Variants in SRGAP2B observed in about 807,000 individuals in gnomAD.
SRGAP2B encodes the protein SLIT-ROBO Rho GTPase-activating protein 2B.
In SRGAP2B, 9 loss-of-function variants were observed where a neutral mutation model predicts 22.2. The ratio of observed to expected loss-of-function variants is 0.41; its 90% CI spans 0.24 to 0.71. The LOEUF is 0.71. Ranked by LOEUF, SRGAP2B falls within the 30% of genes least tolerant of loss-of-function variation. The probability of loss-of-function intolerance (pLI) is 0.35; values close to 1 mark genes in which losing one functional copy is unlikely to be tolerated. For synonymous variants in SRGAP2B, 36 were observed against 87.4 expected, an observed-to-expected ratio of 0.41 and a Z score of 3.28; for missense variants, 114 against 235.8, an observed-to-expected ratio of 0.48 and a Z score of 3.38.
rs184856982 is a variant in SRGAP2B, at chr1:145,075,959, G to T, written c.67+16876C>A. ...AAAAATTGGCCCAGCGTGGTGGCACGCACCTATAATCCCAGTTACTTGGGA... is the reference window on the plus strand; with the variant it reads ...AAAAATTGGCCCAGCGTGGTGGCACTCACCTATAATCCCAGTTACTTGGGA... On this transcript the variant is annotated intron_variant, in intron 2 of 9. Coordinates refer to ENST00000612199, the Ensembl canonical transcript of SRGAP2B. Among the ~76,000 whole-genome samples the T allele has an allele frequency of 6.0e-5, 9 of 149,634 alleles. 1 individual carries two copies. Among genetic ancestry groups the T allele is most frequent in the Admixed American group, 4.6e-4 (7 of 15,076 alleles).
chr1:145,013,375 T>C (rs587625109), intron 2 of SRGAP2B, among the ~76,000 whole-genome samples: 1 of 148,742 alleles, frequency 6.7e-6, no homozygotes, highest in East Asian at 2.0e-4. Context: ...AAAGGACCAT[T>C]CCCTGTGTCA....
At chr1:144,907,092 T>A (rs1318307800) in intron 5 of SRGAP2B, among the ~76,000 whole-genome samples, 1 of 147,880 alleles carries the variant, frequency 6.8e-6, no homozygotes, top group Non-Finnish European at 1.5e-5. Flanking sequence ...GCCATAAGAT[T>A]TCTTTGAGAG....
At chr1:145,041,058 T>G (rs1649168135) in intron 2 of SRGAP2B, among the ~76,000 whole-genome samples, 1 of 113,052 alleles carries the variant, frequency 8.8e-6, no homozygotes, top group African/African-American at 3.9e-5. Flanking sequence ...ATATCATTTG[T>G]TGCATGTATA....
intron 2 of SRGAP2B, among the ~76,000 whole-genome samples, chr1:145,007,421 C>T (rs1671679645): frequency 6.6e-6 from 1 of 150,940 alleles, no homozygotes; most frequent in Admixed American, 6.6e-5. Flanking sequence ...TAAGAATCCT[C>T]ATTCTCACTG....
intron 4 of SRGAP2B, among the ~76,000 whole-genome samples, chr1:144,953,928 T>C (rs1182650710): frequency 6.8e-6 from 1 of 147,056 alleles, no homozygotes; most frequent in Non-Finnish European, 1.5e-5. Flanking sequence ...GTCAAGGTCA[T>C]AGAGACGAGC....
intron 4 of SRGAP2B, among the ~76,000 whole-genome samples, chr1:144,927,259 T>G: frequency 1.3e-5 from 2 of 149,628 alleles, no homozygotes; most frequent in African/African-American, 5.0e-5. Flanking sequence ...CAATCTATAT[T>G]CTTATATATA....
At chr1:145,030,102 T>TA (rs1271680299) in intron 2 of SRGAP2B, among the ~76,000 whole-genome samples, 4 of 149,700 alleles carry the variant, frequency 2.7e-5, no homozygotes, top group Admixed American at 2.7e-4. Flanking sequence ...ATAATGTCCT[T>TA]AGCCCCCTTT....
chr1:145,036,040 C>T (rs1486456426), intron 2 of SRGAP2B, among the ~76,000 whole-genome samples: 3 of 137,168 alleles, frequency 2.2e-5, no homozygotes, highest in African/African-American at 8.7e-5. Context: ...AAGCAATCAA[C>T]TGGTGGCAGC....
At chr1:145,082,146 G>A (rs1416279730) in intron 2 of SRGAP2B, among the ~76,000 whole-genome samples, 1 of 148,426 alleles carries the variant, frequency 6.7e-6, no homozygotes, top group South Asian at 2.1e-4. Context: ...CACCAAAATG[G>A]AGGAACATGC....
chr1:144,955,362 A>G (rs1196878331), intron 4 of SRGAP2B, 77 bp downstream of exon 4: 5 of 718,460 alleles, frequency 7.0e-6, no homozygotes, highest in Non-Finnish European at 1.2e-5. Flanking sequence ...CCAGGTAATC[A>G]ACATAATATC....
At chr1:144,955,546 C>A in exon 4 of SRGAP2B, 1 of 950,904 alleles carries the variant, frequency 1.1e-6, no homozygotes, top group Admixed American at 2.0e-5. Flanking sequence ...TCCCGCTTCA[C>A]CTGGTTTAAG....
chr1:145,007,464 G>A (rs2102223320), intron 2 of SRGAP2B, among the ~76,000 whole-genome samples: 1 of 150,952 alleles, frequency 6.6e-6, no homozygotes, highest in African/African-American at 2.5e-5. Context: ...GTATGTGTTG[G>A]GAAAGAGGGG....
At chr1:144,921,035 T>A (rs1378229136) in intron 4 of SRGAP2B, among the ~76,000 whole-genome samples, 1 of 149,182 alleles carries the variant, frequency 6.7e-6, no homozygotes, top group East Asian at 1.9e-4. Flanking sequence ...GCACTTGTGG[T>A]CTGAATGCAA....
chr1:145,066,616 T>C (rs1345966982), intron 2 of SRGAP2B, among the ~76,000 whole-genome samples: 9 of 150,938 alleles, frequency 6.0e-5, no homozygotes, highest in African/African-American at 2.2e-4. Context: ...ATCTGCTTGC[T>C]CACCTCTCCA....
intron 5 of SRGAP2B, among the ~76,000 whole-genome samples, chr1:144,913,965 TGTGA>T (rs782522262): frequency 6.7e-6 from 1 of 150,370 alleles, no homozygotes; most frequent in East Asian, 1.9e-4. Context: ...TGTGTATGTG[TGTGA>T]GTGTGTGTTT....
chr1:145,064,643 C>T (rs1390899623), intron 2 of SRGAP2B, among the ~76,000 whole-genome samples: 1 of 149,036 alleles, frequency 6.7e-6, no homozygotes, highest in Admixed American at 6.7e-5. Context: ...TAACAGGAGC[C>T]TTTGCAGAGA....
In SRGAP2B at chr1:144,925,672, CAG is replaced by C. The variant is rs1374045766; in HGVS notation, c.424-10920_424-10919del. Reference sequence around the variant, plus strand: ...AAAAAAAAGAAAGAAAAAAAAAGGACAGAAAGAAAGAAGTGGGGGGGCAGAGA... The same window carrying C: ...AAAAAAAAGAAAGAAAAAAAAAGGACAAAGAAAGAAGTGGGGGGGCAGAGA... On this transcript the variant is annotated intron_variant, in intron 4 of 9. Transcript: ENST00000612199. Among the ~76,000 whole-genome samples the C allele has an allele frequency of 2.7e-4, 30 of 110,906 alleles. 2 individuals are homozygous for C. The highest frequency in any genetic ancestry group is 1.1e-3 in the African/African-American group (30 of 27,606). 72.8% of individuals were successfully genotyped at this position (110,906 alleles called of 152,430 possible). A position where few individuals can be genotyped will look rare whatever the true frequency, so the allele number is the denominator to read the frequency against.
intron 2 of SRGAP2B, among the ~76,000 whole-genome samples, chr1:145,058,271 G>A (rs1187252842): frequency 6.7e-6 from 1 of 149,308 alleles, no homozygotes; most frequent in African/African-American, 2.5e-5. Context: ...TTGTTTTTAA[G>A]CCTCTAAGGC....
chr1:144,944,998 G>T, intron 4 of SRGAP2B, among the ~76,000 whole-genome samples: 1 of 141,458 alleles, frequency 7.1e-6, no homozygotes, highest in Admixed American at 7.2e-5. Context: ...GACCTCAAGT[G>T]ATCCACCCAC....
Sources: allele counts gnomAD v4.1 joint callset (sites outside exome capture counted in the v4.1 genomes callset), GRCh38; gene constraint gnomAD v4.1.1; transcripts MANE v1.5; gene names NCBI Gene and HGNC (gene_info 2026-07-23, HGNC 2026-07-21).